Variants in SDSL observed in about 807,000 individuals in gnomAD.
The protein encoded by SDSL is serine dehydratase like.
A neutral mutation model predicts 27.6 loss-of-function variants in SDSL; 26 were observed. The observed-to-expected ratio is 0.94, with a 90% CI of 0.69 to 1.31. SDSL has a LOEUF of 1.31. Among genes scored for constraint, SDSL ranks in the 50% most tolerant of loss-of-function variants. SDSL has a pLI of 0.00. For missense variants in SDSL, 431 were observed against 423.5 expected (o/e 1.02, Z -0.16); for synonymous variants, 196 against 180.6 (o/e 1.09, Z -0.69).
chr12:113,431,021 G>A (rs1957915472), intron 4 of SDSL, among the ~76,000 whole-genome samples: 1 of 152,240 alleles, frequency 6.6e-6, no homozygotes, highest in South Asian at 2.1e-4. Flanking sequence ...TTGGGGAAAG[G>A]ATCCAGGACA....
chr12:113,425,999 CCACCACCAA>C lies in SDSL; in HGVS notation c.-21-1954_-21-1946del, dbSNP rs756647133. The C allele has an allele frequency of 7.7e-4, 292 of 378,134 alleles. 1 individual carries two copies. Among genetic ancestry groups the C allele is most frequent in the Non-Finnish European group, 1.1e-3 (213 of 187,928 alleles). 23.4% of individuals were successfully genotyped at this position (378,134 alleles called of 1,614,324 possible). On this transcript the variant is annotated intron_variant, in intron 1 of 7. Coordinates refer to ENST00000403593, the MANE Select transcript of SDSL (RefSeq NM_001304993.2). ...GAGACTCCCTTTCAAAACACCACGA[CCACCACCAA>C]CACCACCACCACCTCCACCACCACC...
At chr12:113,435,989 C>T (rs11066563) in intron 6 of SDSL, among the ~76,000 whole-genome samples, 9,934 of 152,118 alleles carry the variant, frequency 0.065, 444 homozygotes, top group Middle Eastern at 0.11. Context: ...GGCATGGTAG[C>T]GCACGCCTGT....
intron 7 of SDSL, among the ~76,000 whole-genome samples, chr12:113,437,337 A>AT (rs1330080027): frequency 6.6e-6 from 1 of 152,204 alleles, no homozygotes; most frequent in African/African-American, 2.4e-5. Context: ...CCTTCCTGGC[A>AT]TAGGGCATGG....
chr12:113,432,260 CTTTCTTTCTTTCTTTCT>C (rs1957936682), intron 4 of SDSL, among the ~76,000 whole-genome samples: 4 of 137,584 alleles, frequency 2.9e-5, no homozygotes, highest in African/African-American at 8.8e-5. Context: ...TTCTTTCTTT[CTTTCTTTCTTTCTTTCT>C]TTCTTTCTTT....
At chr12:113,436,250 A>G (rs116217572) in intron 6 of SDSL, among the ~76,000 whole-genome samples, 224 of 151,040 alleles carry the variant, frequency 1.5e-3, no homozygotes, top group African/African-American at 5.3e-3. Flanking sequence ...CAAAGACTCT[A>G]TTTCCGAGTA....
In SDSL at chr12:113,428,051, C is replaced by T; in HGVS notation, c.69C>T (p.Ser23=). 6.2e-7 allele frequency: 1 copy of T among 1,613,970 alleles called. No homozygotes were observed. Among genetic ancestry groups the T allele is most frequent in the Non-Finnish European group, 8.5e-7 (1 of 1,179,948 alleles). Residue 23 remains serine (S), a synonymous_variant, in exon 2 of 8, where the codon AGC becomes AGT. Coordinates refer to ENST00000403593, the MANE Select transcript of SDSL (RefSeq NM_001304993.2). The part of the protein sequence containing the change: ...PFHVVTPLLE[S]WALSQVAGMP... ...ACGTGGTCACACCTCTGTTGGAGAG[C>T]TGGGCGCTGTCCCAGGTGGCGGGCA...
intron 3 of SDSL, among the ~76,000 whole-genome samples, chr12:113,428,660 A>G (rs1400472594): frequency 1.3e-5 from 2 of 151,974 alleles, no homozygotes; most frequent in Non-Finnish European, 2.9e-5. Flanking sequence ...CAGAAACCCA[A>G]TTCATATAGG....
rs535615290 is a variant in SDSL, at chr12:113,437,932, A to G, written c.843A>G (p.Ala281=). Residue 281 remains alanine, a synonymous_variant, in exon 8 of 8, where the codon GCA becomes GCG. Transcript: ENST00000403593. ...AGCCTGCCTGTGGGGCAGCCTTAGC[A>G]GCCATCTACTCAGGCCTCCTGCGGA... is the stretch of plus-strand genomic sequence containing the variant. The part of the protein sequence containing the change: ...LVEPACGAAL[A]AIYSGLLRRL... The G allele has an allele frequency of 2.3e-5, 37 of 1,613,590 alleles. No homozygotes were observed. In the South Asian group the frequency reaches 3.1e-4, roughly 13 times the overall value.
In SDSL at chr12:113,428,068, T is replaced by A; in HGVS notation, c.86T>A (p.Val29Glu). 1 of 1,614,008 alleles carries A rather than the reference T, an allele frequency of 6.2e-7. No individual in the cohort carries two copies. The highest frequency in any genetic ancestry group is 8.5e-7 in the Non-Finnish European group (1 of 1,179,990). Residue 29 changes from valine (V) to glutamate (E), a missense_variant, in exon 2 of 8, where the codon GTG becomes GAG. Transcript: ENST00000403593. ...PLLESWALSQ[V>E]AGMPVFLKCE... ...TTGGAGAGCTGGGCGCTGTCCCAGGTGGCGGGCATGCCTGTCTTCCTCAAG... is the reference window on the plus strand; with the variant it reads ...TTGGAGAGCTGGGCGCTGTCCCAGGAGGCGGGCATGCCTGTCTTCCTCAAG...
intron 1 of SDSL, among the ~76,000 whole-genome samples, chr12:113,427,484 G>A (rs1957863067): frequency 6.6e-6 from 1 of 152,164 alleles, no homozygotes; most frequent in South Asian, 2.1e-4. Flanking sequence ...TTTTTACAAA[G>A]TTTTCCTCCT....
intron 3 of SDSL, among the ~76,000 whole-genome samples, chr12:113,428,883 G>A (rs1327016359): frequency 6.6e-6 from 1 of 151,174 alleles, no homozygotes; most frequent in East Asian, 1.9e-4. Context: ...GGAAAAGGGA[G>A]CACCCCTTCT....
chr12:113,437,189 T>G (rs1002339076), intron 7 of SDSL: 1 of 188,416 alleles, frequency 5.3e-6, no homozygotes, highest in African/African-American at 2.4e-5. Flanking sequence ...CCTTGATCAC[T>G]CACCCCACGC....
intron 5 of SDSL, 43 bp from the exon 6 acceptor site, chr12:113,435,286 G>T: frequency 7.2e-7 from 1 of 1,384,030 alleles, no homozygotes; most frequent in Non-Finnish European, 9.7e-7. Context: ...CTGGGCTGGG[G>T]TCCTCCCTCA....
chr12:113,437,990 C>G lies in SDSL; in HGVS notation c.901C>G (p.Leu301Val), dbSNP rs762088645. ...GGCCGAGGGCTGCCTGCCCCCTTCC[C>G]TGACTTCAGTTGTGGTAATCGTGTG... ...LQAEGCLPPS[L>V]TSVVVIVCGG... Residue 301 changes from leucine to valine, a missense_variant, in exon 8 of 8, where the codon CTG becomes GTG. By Grantham distance (32) the Leu-to-Val change is conservative. Transcript: ENST00000403593. The G allele has an allele frequency of 6.2e-7, 1 of 1,614,232 alleles. No individual in the cohort carries two copies. Among genetic ancestry groups the G allele is most frequent in the Non-Finnish European group, 8.5e-7 (1 of 1,180,032 alleles).
chr12:113,431,318 G>A (rs969727990), intron 4 of SDSL, among the ~76,000 whole-genome samples: 7 of 152,170 alleles, frequency 4.6e-5, no homozygotes, highest in East Asian at 1.9e-4. Context: ...GTTTGAGCAG[G>A]GGAGGGACCT....
Position 113,435,348 on chromosome 12 carries a change from G to A in SDSL, c.463G>A (p.Val155Met). 1 of 1,552,882 alleles carries A rather than the reference G, an allele frequency of 6.4e-7. No individual in the cohort carries two copies. The highest frequency in any genetic ancestry group is 8.7e-7 in the Non-Finnish European group (1 of 1,149,716). ...PLIWKGHASL[V>M]QELKAVLRTP... ...CCCCAGGAAAGGCCACGCCAGCCTGGTGCAGGAGCTGAAAGCAGTGCTGAG... is the reference window on the plus strand; with the variant it reads ...CCCCAGGAAAGGCCACGCCAGCCTGATGCAGGAGCTGAAAGCAGTGCTGAG... The change falls in exon 6 of 8, where the codon GTG (valine) becomes ATG (methionine). Residue 155 changes from valine (V) to methionine (M), a missense_variant. Transcript: ENST00000403593.
At position 113,438,016 on chromosome 12, in the gene SDSL, T is replaced by C; in HGVS notation, c.927T>C (p.Cys309=). The C allele has an allele frequency of 6.2e-7, 1 of 1,614,144 alleles. No homozygotes were observed. Among genetic ancestry groups the C allele is most frequent in the African/African-American group, 1.3e-5 (1 of 75,020 alleles). The change falls in exon 8 of 8, where the codon TGT becomes TGC. Residue 309 remains cysteine (C), a synonymous_variant. Coordinates refer to ENST00000403593, the MANE Select transcript of SDSL (RefSeq NM_001304993.2). ...TGACTTCAGTTGTGGTAATCGTGTG[T>C]GGAGGCAACAACATCAACAGCCGAG... is the stretch of plus-strand genomic sequence containing the variant. The part of the protein sequence containing the change: ...PSLTSVVVIV[C]GGNNINSREL...
At chr12:113,431,629 A>G (rs192836352) in intron 4 of SDSL, among the ~76,000 whole-genome samples, 174 of 150,706 alleles carry the variant, frequency 1.2e-3, no homozygotes, top group Non-Finnish European at 7.7e-4. Context: ...GCTGGAGTGC[A>G]GTGGCATGAT....
At chr12:113,429,864 C>CTGG (rs1957898589) in intron 4 of SDSL, among the ~76,000 whole-genome samples, 1 of 152,152 alleles carries the variant, frequency 6.6e-6, no homozygotes, top group Non-Finnish European at 1.5e-5. Flanking sequence ...TACGTTAAAG[C>CTGG]TGGTCCCAAA....
Sources: gnomAD v4.1 joint callset for allele counts (sites outside exome capture counted in the v4.1 genomes callset) on GRCh38, gnomAD v4.1.1 for gene constraint, MANE v1.5 for transcripts, NCBI Gene and HGNC (gene_info 2026-07-23, HGNC 2026-07-21) for gene names.